TICRR: variants seen among roughly 807,000 people sequenced by gnomAD.
The protein encoded by TICRR is treslin.
A neutral mutation model predicts 178.1 loss-of-function variants in TICRR; 132 were observed. That is an observed-to-expected ratio of 0.74 (90% CI 0.64 to 0.86). TICRR has a LOEUF of 0.86. TICRR is among the 40% of genes least tolerant of loss of function. The pLI, the probability that TICRR is intolerant of heterozygous loss-of-function variation, is 0.00. For missense variants in TICRR, 2,587 were observed against 2,334.3 expected (o/e 1.11, Z -2.23); for synonymous variants, 991 against 900.7 (o/e 1.10, Z -1.79).
At chr15:89,576,339 G>A (rs893652054) in intron 1 of TICRR, 99 bp downstream of exon 1, 80 of 1,080,734 alleles carry the variant, frequency 7.4e-5, no homozygotes, top group Non-Finnish European at 9.3e-5. Flanking sequence ...CCCCGAATGA[G>A]ACTAATATGA....
At chr15:89,602,589 C>G (rs1963115864) in intron 12 of TICRR, among the ~76,000 whole-genome samples, 1 of 151,982 alleles carries the variant, frequency 6.6e-6, no homozygotes, top group Non-Finnish European at 1.5e-5. Flanking sequence ...TTAAATTTCC[C>G]TTGATGCTTT....
intron 10 of TICRR, 31 bp downstream of exon 10, chr15:89,601,422 C>T (rs766030792): frequency 2.3e-5 from 37 of 1,611,386 alleles, no homozygotes; most frequent in African/African-American, 2.7e-5. Context: ...CATTGAAATA[C>T]GCCCTAGATG....
intron 19 of TICRR, among the ~76,000 whole-genome samples, chr15:89,621,982 CTT>C (rs34123859): frequency 2.3e-4 from 20 of 87,776 alleles, no homozygotes; most frequent in African/African-American, 6.1e-4. Context: ...CAAACTGACT[CTT>C]TTTTTTTTTT....
rs756521772 is a variant in TICRR at position 89,619,809 on chromosome 15, CAA to C, written c.3123_3124del (p.Arg1042SerfsTer8). On this transcript the variant is annotated frameshift_variant, in exon 18 of 22. Transcript: ENST00000268138. LOFTEE classifies it high-confidence loss of function. Reference sequence around the variant, plus strand: ...GTCTCAGCCGAAGTCTCGAAGTGTGCAAAGAGTCCACTCTTTCCAGCAAGATA... The same window carrying C: ...GTCTCAGCCGAAGTCTCGAAGTGTGCAGAGTCCACTCTTTCCAGCAAGATA... ...SVSQPKSRSV[Q>X]RVHSFQQDKS... 30 of 1,613,384 alleles carry C rather than the reference CAA, an allele frequency of 1.9e-5. No individual in the cohort carries two copies. Among genetic ancestry groups the C allele is most frequent in the Non-Finnish European group, 2.2e-5 (26 of 1,179,866 alleles).
At chr15:89,581,910 T>C (rs1962733024) in intron 1 of TICRR, among the ~76,000 whole-genome samples, 2 of 152,054 alleles carry the variant, frequency 1.3e-5, no homozygotes, top group African/African-American at 4.8e-5. Context: ...GTTTGTCTCG[T>C]CTCTGCACAG....
chr15:89,594,075 T>C (rs1962956786), intron 5 of TICRR, among the ~76,000 whole-genome samples: 1 of 152,216 alleles, frequency 6.6e-6, no homozygotes, highest in South Asian at 2.1e-4. Flanking sequence ...TACTTTGATA[T>C]ATGGAAACTG....
At chr15:89,581,804 A>G (rs1450004640) in intron 1 of TICRR, among the ~76,000 whole-genome samples, 2 of 152,162 alleles carry the variant, frequency 1.3e-5, no homozygotes, top group East Asian at 3.8e-4. Context: ...GTGATTTGGA[A>G]GAATACTTAG....
chr15:89,625,455 G>A lies in TICRR; in HGVS notation c.5145G>A (p.Leu1715=), dbSNP rs1374975947. ...VGADLPGSLS[L]LESEGKDHGL... ...CAGACCTTCCTGGGAGCCTGTCACT[G>A]CTTGAGTCAGAGGGCAAGGACCACG... Residue 1715 remains leucine, a synonymous_variant, in exon 20 of 22, where the codon CTG becomes CTA. Transcript: ENST00000268138. 1.2e-6 allele frequency: 2 copies of A among 1,613,970 alleles called. No homozygotes were observed. Among genetic ancestry groups the A allele is most frequent in the Non-Finnish European group, 8.5e-7 (1 of 1,180,006 alleles).
chr15:89,586,048 C>T (rs1301275448), intron 4 of TICRR, 106 bp downstream of exon 4: 6 of 730,070 alleles, frequency 8.2e-6, no homozygotes, highest in Non-Finnish European at 1.4e-5. Context: ...TATGTTATAA[C>T]ACAGATGAAA....
At chr15:89,616,297 C>T in intron 15 of TICRR, 108 bp from the exon 16 acceptor site, 1 of 809,092 alleles carries the variant, frequency 1.2e-6, no homozygotes, top group South Asian at 1.6e-5. Flanking sequence ...AGATCCTCTC[C>T]AGCTAGGTAA....
rs1433794422 is a variant in TICRR at position 89,603,989 on chromosome 15, G to GT, written c.2664+1104dup. On this transcript the variant is annotated intron_variant, in intron 13 of 21. Transcript: ENST00000268138. ...TCACAGATAATGGGGTACTATTGTT[G>GT]TTTTTTTCATGGCAGTTGATATAAG... Among the ~76,000 whole-genome samples, 4 of 151,774 alleles carry GT rather than the reference G, an allele frequency of 2.6e-5. No individual in the cohort carries two copies. The East Asian group carries it at 5.8e-4, about 22-fold the overall frequency.
Position 89,625,954 on chromosome 15 carries a change from G to C in TICRR, c.5495G>C (p.Ser1832Thr). Reference sequence around the variant, plus strand: ...TCTTTAGGCTCCACCCCACCTCCCAGCTGTGCCGTGCGGAGCTGCCTCTCT... The same window carrying C: ...TCTTTAGGCTCCACCCCACCTCCCACCTGTGCCGTGCGGAGCTGCCTCTCT... Reference protein sequence around the residue: ...VFVSGSTPPPSCAVRSCLSAS... With the variant: ...VFVSGSTPPPTCAVRSCLSAS... The change falls in exon 21 of 22, where the codon AGC (serine) becomes ACC (threonine). Residue 1832 changes from serine (S) to threonine (T), a missense_variant. Physicochemically the swap from Ser to Thr is moderately conservative, Grantham distance 58 (BLOSUM62 1). Coordinates refer to ENST00000268138, the MANE Select transcript of TICRR (RefSeq NM_152259.4). 6.3e-7 allele frequency: 1 copy of C among 1,585,706 alleles called. No individual in the cohort carries two copies. The highest frequency in any genetic ancestry group is 8.6e-7 in the Non-Finnish European group (1 of 1,168,788).
chr15:89,603,489 G>T (rs1963128892), intron 13 of TICRR, among the ~76,000 whole-genome samples: 1 of 152,210 alleles, frequency 6.6e-6, no homozygotes, highest in Non-Finnish European at 1.5e-5. Context: ...GGAGTCTAAG[G>T]CAGGGAGATT....
In TICRR at chr15:89,624,301, G is replaced by C; in HGVS notation, c.3991G>C (p.Glu1331Gln). 2 of 1,614,138 alleles carry C rather than the reference G, an allele frequency of 1.2e-6. No individual in the cohort carries two copies. Among genetic ancestry groups the C allele is most frequent in the Non-Finnish European group, 1.7e-6 (2 of 1,180,032 alleles). Reference protein sequence around the residue: ...KKSPFRKSKIECPSPGELDQK... With the variant: ...KKSPFRKSKIQCPSPGELDQK... ...GAGTCCATTTAGGAAATCTAAAATAGAGTGTCCTTCCCCAGGAGAACTGGA... is the reference window on the plus strand; with the variant it reads ...GAGTCCATTTAGGAAATCTAAAATACAGTGTCCTTCCCCAGGAGAACTGGA... The change falls in exon 20 of 22, where the codon GAG (glutamate) becomes CAG (glutamine). Residue 1331 changes from glutamate to glutamine, a missense_variant. Physicochemically the swap from Glu to Gln is conservative, Grantham distance 29. Transcript: ENST00000268138.
chr15:89,624,898 G>C lies in TICRR; in HGVS notation c.4588G>C (p.Asp1530His). Reference sequence around the variant, plus strand: ...TTCCCGTGACGTGCACTGTACCACAGATGGGAGACAGTGCCAGGCTTCGGC... The same window carrying C: ...TTCCCGTGACGTGCACTGTACCACACATGGGAGACAGTGCCAGGCTTCGGC... ...MPSRDVHCTT[D>H]GRQCQASAQL... Residue 1530 changes from aspartate to histidine, a missense_variant, in exon 20 of 22, where the codon GAT becomes CAT. Physicochemically the swap from Asp to His is moderately conservative, Grantham distance 81 (BLOSUM62 -1). Coordinates refer to ENST00000268138, the MANE Select transcript of TICRR (RefSeq NM_152259.4). The C allele has an allele frequency of 2.5e-6, 4 of 1,614,154 alleles. No homozygotes were observed. In the South Asian group the frequency reaches 4.4e-5, roughly 18 times the overall value.
At chr15:89,626,649 T>C (rs966448408) in intron 21 of TICRR, among the ~76,000 whole-genome samples, 2 of 152,130 alleles carry the variant, frequency 1.3e-5, no homozygotes, top group African/African-American at 2.4e-5. Context: ...ATATAAATCA[T>C]GCAAAACAGC....
chr15:89,596,921 T>C (rs1254937435), intron 7 of TICRR, among the ~76,000 whole-genome samples: 3 of 152,230 alleles, frequency 2.0e-5, no homozygotes, highest in African/African-American at 7.2e-5. Flanking sequence ...TTGATACTTA[T>C]TTATAAATAT....
rs554582615 is a variant in TICRR, at chr15:89,606,661, T to A, written c.2665-107T>A. 176 of 839,798 alleles carry A rather than the reference T, an allele frequency of 2.1e-4. 5 individuals carry two copies. In the South Asian group the frequency reaches 2.6e-3, roughly 12 times the overall value. The allele number at this position is 839,798 out of a possible 1,614,324, so 52.0% of individuals were successfully genotyped here. A position where few individuals can be genotyped will look rare whatever the true frequency, so the allele number is the denominator to read the frequency against. On this transcript the variant is annotated intron_variant, in intron 13 of 21. Coordinates refer to ENST00000268138, the MANE Select transcript of TICRR (RefSeq NM_152259.4). ...TACATTTTATTATTTCTATTATGGA[T>A]CCCTATAAATGAATTACAAGAGTCA...
chr15:89,583,755 G>GCA (rs1962771651), intron 2 of TICRR, among the ~76,000 whole-genome samples: 1 of 151,770 alleles, frequency 6.6e-6, no homozygotes, highest in African/African-American at 2.4e-5. Context: ...AGCTCAGATC[G>GCA]CAGCTCACTG....
Sources: gnomAD v4.1 joint callset for allele counts (sites outside exome capture counted in the v4.1 genomes callset) on GRCh38, gnomAD v4.1.1 for gene constraint, MANE v1.5 for transcripts, NCBI Gene and HGNC (gene_info 2026-07-23, HGNC 2026-07-21) for gene names.